Variants in ZFYVE26 observed in about 807,000 individuals in gnomAD.
ZFYVE26 encodes the protein zinc finger FYVE-type containing 26.
ZFYVE26 carries 181 observed loss-of-function variants against 276.5 expected under a neutral mutation model. The ratio of observed to expected loss-of-function variants is 0.65; its 90% CI spans 0.58 to 0.74. ZFYVE26 has a LOEUF of 0.74. Among genes scored for constraint, ZFYVE26 ranks in the 30% least tolerant of loss-of-function variants. The pLI is 0.00. For missense variants in ZFYVE26, 2,821 were observed against 3,097.9 expected (o/e 0.91, Z 2.12); for synonymous variants, 1,129 against 1,203.1 (o/e 0.94, Z 1.27).
chr14:67,790,800 C>A, intron 14 of ZFYVE26, 27 bp from the exon 15 acceptor site: 1 of 1,589,748 alleles, frequency 6.3e-7, no homozygotes, highest in East Asian at 2.2e-5. Flanking sequence ...AGTGTGTGGG[C>A]CCTGGTGGTC....
At position 67,766,308 on chromosome 14, in the gene ZFYVE26, T is replaced by G. The variant is rs746155975; in HGVS notation, c.5930A>C (p.Asp1977Ala). The G allele has an allele frequency of 6.2e-7, 1 of 1,613,704 alleles. No individual in the cohort carries two copies. The highest frequency in any genetic ancestry group is 2.2e-5 in the East Asian group (1 of 44,882). ...NPEVDAGLLT[D>A]IMKQLLFSAK... ...GCTGAACAGCAGCTGCTTCATGATG[T>G]CCGTGAGCAGCCCGGCATCCACCTC... Residue 1977 changes from aspartate to alanine, a missense_variant, in exon 32 of 42, where the codon GAC becomes GCC. Asp to Ala is a moderately radical substitution (Grantham distance 126). Transcript: ENST00000347230.
At chr14:67,788,725 C>G (rs1346613405) in intron 16 of ZFYVE26, among the ~76,000 whole-genome samples, 1 of 152,194 alleles carries the variant, frequency 6.6e-6, no homozygotes, top group African/African-American at 2.4e-5. Context: ...TGGGGCTACT[C>G]ATATCATAAC....
At chr14:67,765,599 T>C (rs1013474915) in intron 32 of ZFYVE26, among the ~76,000 whole-genome samples, 2 of 152,148 alleles carry the variant, frequency 1.3e-5, no homozygotes, top group Non-Finnish European at 2.9e-5. Context: ...AGTCACACAT[T>C]TGAGTGGATA....
chr14:67,814,909 A>G (rs184980612), intron 2 of ZFYVE26, among the ~76,000 whole-genome samples: 32 of 152,350 alleles, frequency 2.1e-4, no homozygotes, highest in Admixed American at 9.8e-4. Flanking sequence ...ACAGTATAGC[A>G]TAACAGTCAA....
At position 67,790,768 on chromosome 14, in the gene ZFYVE26, C is replaced by T. The variant is rs7143196; in HGVS notation, c.2559G>A (p.Leu853=). ...RGNFAEAHQV[L]FTFNLKSSPS... is the part of the protein sequence containing the mutation. ...GTGAGGACTTCAGGTTGAACGTGAA[C>T]AGCACCTGTCATAGGAGAGGGAGTG... The change falls in exon 15 of 42, where the codon CTG becomes CTA. Residue 853 remains leucine (L), a synonymous_variant. Coordinates refer to ENST00000347230, the MANE Select transcript of ZFYVE26 (RefSeq NM_015346.4). 297,538 of 1,613,194 alleles carry T rather than the reference C, an allele frequency of 0.18. 30,501 individuals carry two copies. Among genetic ancestry groups the T allele is most frequent in the Non-Finnish European group, 0.21 (252,164 of 1,179,250 alleles).
chr14:67,750,950 G>A, intron 41 of ZFYVE26, 102 bp downstream of exon 41: 1 of 1,408,522 alleles, frequency 7.1e-7, no homozygotes, highest in East Asian at 2.3e-5. Context: ...CTGAGATACG[G>A]GTTGTATGGA....
In ZFYVE26 at chr14:67,783,491, G is replaced by A; in HGVS notation, c.3661C>T (p.Leu1221=). The A allele has an allele frequency of 2.5e-6, 4 of 1,613,738 alleles. No homozygotes were observed. The highest frequency in any genetic ancestry group is 3.4e-6 in the Non-Finnish European group (4 of 1,180,016). Residue 1221 remains leucine (L), a synonymous_variant, in exon 21 of 42, where the codon CTA becomes TTA. Transcript: ENST00000347230. ...AALLAQENLS[L]SVPQVIVSCC... ...CTGACGATGACCTGTGGCACACTTA[G>A]GCTGAGATTCTCTTGGGCCAGAAGG... is the stretch of plus-strand genomic sequence containing the variant.
intron 21 of ZFYVE26, among the ~76,000 whole-genome samples, chr14:67,782,245 G>T (rs1331631404): frequency 6.6e-6 from 1 of 152,156 alleles, no homozygotes; most frequent in Non-Finnish European, 1.5e-5. Context: ...ATTTCCTGGG[G>T]AGCTTTCAAA....
At position 67,806,652 on chromosome 14, in the gene ZFYVE26, C is replaced by T; in HGVS notation, c.910G>A (p.Glu304Lys). Residue 304 changes from glutamate (E) to lysine (K), a missense_variant, in exon 6 of 42, where the codon GAG becomes AAG. By Grantham distance (56) the Glu-to-Lys change is moderately conservative. Transcript: ENST00000347230. Reference protein sequence around the residue: ...GKVSPDHLDPERAMLALFSNP... With the variant: ...GKVSPDHLDPKRAMLALFSNP... ...GAGAACAGGGCTAGCATTGCCCGCT[C>T]AGGATCTAGATGATCCGGTGAGACT... 1 of 1,614,192 alleles carries T rather than the reference C, an allele frequency of 6.2e-7. No individual in the cohort carries two copies. The highest frequency in any genetic ancestry group is 1.1e-5 in the South Asian group (1 of 91,082).
chr14:67,743,501 TAAAATAAAATAAAATAAAATA>T (rs2038443680), downstream of ZFYVE26, among the ~76,000 whole-genome samples: 3 of 1,202 alleles, frequency 2.5e-3, no homozygotes, highest in Admixed American at 0.016. Flanking sequence ...AGTATAATAA[TAAAATAAAATAAAATAAAATA>T]AAATAAAATA....
At chr14:67,810,875 A>T (rs2040285980) in intron 3 of ZFYVE26, among the ~76,000 whole-genome samples, 6 of 151,594 alleles carry the variant, frequency 4.0e-5, no homozygotes, top group Admixed American at 2.6e-4. Flanking sequence ...TGTGTGTGAG[A>T]GTGTGTGTGT....
chr14:67,780,396 A>C (rs1200522250), intron 22 of ZFYVE26, 51 bp from the exon 23 acceptor site: 2 of 1,518,914 alleles, frequency 1.3e-6, no homozygotes, highest in Admixed American at 3.6e-5. Context: ...TTCTCCCTCC[A>C]TGAACAAGTC....
At chr14:67,739,224 T>G (rs2038386656) in intron 13 of ZFYVE26, among the ~76,000 whole-genome samples, 1 of 152,174 alleles carries the variant, frequency 6.6e-6, no homozygotes, top group African/African-American at 2.4e-5. Context: ...TGGCTAAACA[T>G]GACACCTGAA....
chr14:67,780,323 G>A lies in ZFYVE26; in HGVS notation c.4592C>T (p.Pro1531Leu), dbSNP rs756420969. 6.8e-6 allele frequency: 11 copies of A among 1,613,524 alleles called. No individual in the cohort carries two copies. The South Asian group carries it at 9.9e-5, about 15-fold the overall frequency. Residue 1531 changes from proline (P) to leucine (L), a missense_variant, in exon 23 of 42, where the codon CCA becomes CTA. Physicochemically the swap from Pro to Leu is moderately conservative, Grantham distance 98. Transcript: ENST00000347230. ...CAAGGTCTGCCAGTCACACCACACTGGGGGAGACTGCAAACCCAGAATCTA... is the reference window on the plus strand; with the variant it reads ...CAAGGTCTGCCAGTCACACCACACTAGGGGAGACTGCAAACCCAGAATCTA... ...YQKILGLQSP[P>L]VWCDWQTLRS...
At chr14:67,751,364 G>C (rs1032799087) in intron 40 of ZFYVE26, 2 of 538,920 alleles carry the variant, frequency 3.7e-6, no homozygotes, top group Non-Finnish European at 6.7e-6. Context: ...TAGGCAACCT[G>C]GTGGTCCCCT....
chr14:67,731,231 T>G (rs1594868743), intron 13 of ZFYVE26, among the ~76,000 whole-genome samples: 1 of 115,112 alleles, frequency 8.7e-6, no homozygotes, highest in African/African-American at 3.2e-5. Context: ...TTTTTTTTTT[T>G]GGAGACATAG....
chr14:67,769,999 GA>G, intron 28 of ZFYVE26: 1 of 493,762 alleles, frequency 2.0e-6, no homozygotes, highest in South Asian at 2.1e-5. Flanking sequence ...GCAACATGTG[GA>G]AAAACAAGAA....
At chr14:67,811,893 A>T (rs1161842367) in intron 3 of ZFYVE26, among the ~76,000 whole-genome samples, 2 of 148,240 alleles carry the variant, frequency 1.3e-5, no homozygotes, top group African/African-American at 4.9e-5. Flanking sequence ...AATATAAAAT[A>T]TATGATATAT....
At position 67,747,228 on chromosome 14, in the gene ZFYVE26, G is replaced by A. The variant is rs577545826; in HGVS notation, c.*1208C>T. 1 of 152,432 alleles carries A rather than the reference G, an allele frequency of 6.6e-6. No individual in the cohort carries two copies. Among genetic ancestry groups the A allele is most frequent in the East Asian group, 1.9e-4 (1 of 5,182 alleles). 9.4% of individuals were successfully genotyped at this position (152,432 alleles called of 1,614,324 possible). A position where few individuals can be genotyped will look rare whatever the true frequency, so the allele number is the denominator to read the frequency against. On this transcript the variant is annotated 3_prime_UTR_variant, in exon 42 of 42. Coordinates refer to ENST00000347230, the MANE Select transcript of ZFYVE26 (RefSeq NM_015346.4). ...ATCTTGCGTGGGAAGACAAGACAGT[G>A]CATATTAAAGAAGCACTTCACCTAG... is the stretch of plus-strand genomic sequence containing the variant.
Sources: allele counts gnomAD v4.1 joint callset (sites outside exome capture counted in the v4.1 genomes callset), GRCh38; gene constraint gnomAD v4.1.1; transcripts MANE v1.5; gene names NCBI Gene and HGNC (gene_info 2026-07-23, HGNC 2026-07-21).